Variants in COL25A1 observed in about 807,000 individuals in gnomAD.
The protein encoded by COL25A1 is collagen alpha-1(XXV) chain.
A neutral mutation model predicts 128.4 loss-of-function variants in COL25A1; 103 were observed. That is an observed-to-expected ratio of 0.80 (90% CI 0.68 to 0.94). COL25A1 has a LOEUF of 0.94. COL25A1 is among the 40% of genes least tolerant of loss of function. The pLI is 0.00. For synonymous variants in COL25A1, 279 were observed against 277.2 expected (o/e 1.01, Z -0.06); for missense variants, 745 against 840.0 (o/e 0.89, Z 1.40).
In COL25A1 at chr4:108,812,817, G is replaced by A. The variant is rs181884977; in HGVS notation, c.*1110C>T. 6.6e-5 allele frequency: 10 copies of A among 152,240 alleles called. No homozygotes were observed. In the East Asian group the frequency reaches 1.9e-3, roughly 29 times the overall value. 9.4% of individuals were successfully genotyped at this position (152,240 alleles called of 1,614,324 possible). A position where few individuals can be genotyped will look rare whatever the true frequency, so the allele number is the denominator to read the frequency against. ...CCAGTAAGCTCTCCTATATCATCGGGAGAGGCGATTTTGGCTGATCCCTTC... is the reference window on the plus strand; with the variant it reads ...CCAGTAAGCTCTCCTATATCATCGGAAGAGGCGATTTTGGCTGATCCCTTC... On this transcript the variant is annotated 3_prime_UTR_variant, in exon 38 of 38. Coordinates refer to ENST00000399132, the MANE Select transcript of COL25A1 (RefSeq NM_198721.4).
intron 5 of COL25A1, among the ~76,000 whole-genome samples, chr4:109,023,097 C>T (rs1253051846): frequency 6.6e-6 from 1 of 152,156 alleles, no homozygotes; most frequent in Non-Finnish European, 1.5e-5. Context: ...GCAAAAACAA[C>T]ATTCCATTCA....
chr4:109,218,368 T>TTTTG (rs1778188982), intron 3 of COL25A1, among the ~76,000 whole-genome samples: 7 of 86,572 alleles, frequency 8.1e-5, no homozygotes, highest in South Asian at 2.9e-4. Context: ...TTTTTTTTTT[T>TTTTG]TTTTTTTTTT....
chr4:109,085,420 C>T (rs1195997222), intron 3 of COL25A1, among the ~76,000 whole-genome samples: 3 of 152,124 alleles, frequency 2.0e-5, no homozygotes, highest in African/African-American at 7.2e-5. Context: ...ATATATCTTG[C>T]ACTCATTCTT....
chr4:109,016,649 AC>A (rs1233824011), intron 5 of COL25A1, among the ~76,000 whole-genome samples: 1 of 152,234 alleles, frequency 6.6e-6, no homozygotes, highest in Non-Finnish European at 1.5e-5. Flanking sequence ...GAAAGGAGCT[AC>A]CACTCTGGGT....
chr4:109,050,832 A>C (rs1182626600), intron 3 of COL25A1, among the ~76,000 whole-genome samples: 1 of 152,078 alleles, frequency 6.6e-6, no homozygotes, highest in Non-Finnish European at 1.5e-5. Context: ...TCATTCAATA[A>C]ATAGTTAGCC....
At chr4:109,181,263 C>T (rs542718831) in intron 3 of COL25A1, among the ~76,000 whole-genome samples, 5 of 152,152 alleles carry the variant, frequency 3.3e-5, no homozygotes, top group East Asian at 1.9e-4. Flanking sequence ...GGATCATCTC[C>T]CTGAAAATTC....
rs1560887047 is a variant in COL25A1, at chr4:109,218,357, G to GTTTTTTTTTTTTTTGT, written c.367+82225_367+82226insACAAAAAAAAAAAAAA. 1.4e-4 allele frequency among the ~76,000 whole-genome samples: 10 copies of GTTTTTTTTTTTTTTGT among 73,566 alleles called. No homozygotes were observed. In the East Asian group the frequency reaches 1.5e-3, roughly 11 times the overall value. The allele number at this position is 73,566 out of a possible 152,430, so 48.3% of individuals were successfully genotyped here. On this transcript the variant is annotated intron_variant, in intron 3 of 37. Coordinates refer to ENST00000399132, the MANE Select transcript of COL25A1 (RefSeq NM_198721.4). ...CAGAATCAATTGCTGGTTTTTTGGG[G>GTTTTTTTTTTTTTTGT]TTTTTTTTTTTTTTTTTTTTTTTTT...
At position 109,081,109 on chromosome 4, in the gene COL25A1, A is replaced by G. The variant is rs537291486; in HGVS notation, c.368-30930T>C. 3.3e-5 allele frequency among the ~76,000 whole-genome samples: 5 copies of G among 152,316 alleles called. No individual in the cohort carries two copies. The East Asian group carries it at 7.7e-4, about 24-fold the overall frequency. ...TCAATATTTCCCCCAAGATACCATC[A>G]TAATTTACTGTGCATCTCCTCTGCC... is the stretch of plus-strand genomic sequence containing the variant. On this transcript the variant is annotated intron_variant, in intron 3 of 37. Transcript: ENST00000399132.
intron 18 of COL25A1, among the ~76,000 whole-genome samples, chr4:108,885,958 C>T (rs940033207): frequency 1.3e-5 from 2 of 152,064 alleles, no homozygotes; most frequent in Non-Finnish European, 2.9e-5. Context: ...TATTTAAACA[C>T]GCATGCATAC....
At chr4:109,079,182 TA>T (rs1763629339) in intron 3 of COL25A1, among the ~76,000 whole-genome samples, 1 of 152,198 alleles carries the variant, frequency 6.6e-6, no homozygotes. Flanking sequence ...CAGACTGAAC[TA>T]AAGTAAAGCT....
intron 3 of COL25A1, among the ~76,000 whole-genome samples, chr4:109,261,000 C>A (rs1256233191): frequency 1.3e-5 from 2 of 152,180 alleles, no homozygotes; most frequent in East Asian, 3.9e-4. Context: ...TTGTTATTAC[C>A]ATTTTTCAGA....
At chr4:108,937,147 A>G (rs1747515876) in intron 11 of COL25A1, among the ~76,000 whole-genome samples, 1 of 152,094 alleles carries the variant, frequency 6.6e-6, no homozygotes, top group African/African-American at 2.4e-5. Context: ...TCACATCATA[A>G]CATAGATTAG....
At chr4:109,166,252 A>G (rs982195) in intron 3 of COL25A1, among the ~76,000 whole-genome samples, 3,081 of 152,272 alleles carry the variant, frequency 0.02, 100 homozygotes, top group South Asian at 0.13. Context: ...GTATTCATCT[A>G]GCATGTCTAG....
At chr4:109,044,175 G>A (rs1455143348) in intron 5 of COL25A1, among the ~76,000 whole-genome samples, 9 of 151,710 alleles carry the variant, frequency 5.9e-5, no homozygotes, top group African/African-American at 2.2e-4. Context: ...TAAGCTGAAA[G>A]CTTCCTAGAG....
intron 13 of COL25A1, among the ~76,000 whole-genome samples, chr4:108,901,793 GA>G (rs1560830955): frequency 6.6e-6 from 1 of 152,050 alleles, no homozygotes; most frequent in African/African-American, 2.4e-5. Flanking sequence ...GGCAAAAGAT[GA>G]TGGCTATTAG....
rs1756459662 is a variant in COL25A1 at position 109,010,365 on chromosome 4, C to T, written c.431G>A (p.Gly144Asp). Residue 144 changes from glycine to aspartate, a missense_variant, in exon 6 of 38, where the codon GGT becomes GAT. Around this residue, in one of 3 missense-constraint regions of COL25A1, gnomAD observed 319 missense variants for 324.9 expected, o/e 0.98. Transcript: ENST00000399132. The stretch of plus-strand genomic sequence containing the variant: ...AGAAAAGAATTACCTTACCTGAGGA[C>T]CAGGCTGTCCCTGAAATTAAAAAGA... ...RGESGPPGQP[G>D]PQGPPGPKGD... 6.3e-7 allele frequency: 1 copy of T among 1,576,416 alleles called. No homozygotes were observed. The highest frequency in any genetic ancestry group is 8.6e-7 in the Non-Finnish European group (1 of 1,166,342).
At chr4:109,177,078 T>C (rs1292960022) in intron 3 of COL25A1, among the ~76,000 whole-genome samples, 1 of 152,152 alleles carries the variant, frequency 6.6e-6, no homozygotes, top group Non-Finnish European at 1.5e-5. Context: ...GATTTCCTAG[T>C]CTAGGAATGA....
chr4:109,067,844 A>G (rs1205319486), intron 3 of COL25A1, among the ~76,000 whole-genome samples: 1 of 152,236 alleles, frequency 6.6e-6, no homozygotes, highest in Non-Finnish European at 1.5e-5. Flanking sequence ...CAGTTTTCCC[A>G]ATAGAATTCA....
intron 11 of COL25A1, among the ~76,000 whole-genome samples, chr4:108,924,661 T>C (rs975688876): frequency 1.3e-5 from 2 of 152,216 alleles, no homozygotes; most frequent in African/African-American, 4.8e-5. Flanking sequence ...ACCCTACTTT[T>C]GGTCTCCTCC....
Sources: allele counts gnomAD v4.1 joint callset (sites outside exome capture counted in the v4.1 genomes callset), GRCh38; gene constraint gnomAD v4.1.1; regional missense constraint gnomAD v4.1.1; transcripts MANE v1.5; gene names NCBI Gene and HGNC (gene_info 2026-07-23, HGNC 2026-07-21).